DNAH6: variants seen among roughly 807,000 people sequenced by gnomAD.
DNAH6 encodes the protein axonemal beta dynein heavy chain 6.
A neutral mutation model predicts 491.4 loss-of-function variants in DNAH6; 340 were observed. The observed-to-expected ratio is 0.69, with a 90% CI of 0.63 to 0.76. DNAH6 has a LOEUF of 0.76. Among genes scored for constraint, DNAH6 ranks in the 30% least tolerant of loss-of-function variants. The pLI is 0.00. For synonymous variants in DNAH6, 1,603 were observed against 1,686.1 expected, an observed-to-expected ratio of 0.95 and a Z score of 1.21; for missense variants, 4,443 against 4,972.2, an observed-to-expected ratio of 0.89 and a Z score of 3.20.
intron 72 of DNAH6, among the ~76,000 whole-genome samples, chr2:84,808,889 A>G (rs1458985410): frequency 6.6e-6 from 1 of 152,228 alleles, no homozygotes; most frequent in Non-Finnish European, 1.5e-5. Context: ...TTCATAACAT[A>G]GTCTTTAAGC....
Position 84,785,594 on chromosome 2 carries a change from TTCTA to T in DNAH6, c.10954-11_10954-8del. On this transcript the variant is annotated splice_polypyrimidine_tract_variant and intron_variant, in intron 66 of 76. Transcript: ENST00000389394. ...AAAATCACTCTCTCTGCCACATATA[TTCTA>T]TCTAAATCCAGGTGACCAATGAGCC... 1 of 1,515,354 alleles carries T rather than the reference TTCTA, an allele frequency of 6.6e-7. No individual in the cohort carries two copies. Among genetic ancestry groups the T allele is most frequent in the Non-Finnish European group, 8.8e-7 (1 of 1,134,374 alleles). 93.9% of individuals were successfully genotyped at this position (1,515,354 alleles called of 1,614,324 possible). A position where few individuals can be genotyped will look rare whatever the true frequency, so the allele number is the denominator to read the frequency against.
At chr2:84,773,607 G>T (rs1269317896) in intron 64 of DNAH6, among the ~76,000 whole-genome samples, 1 of 151,978 alleles carries the variant, frequency 6.6e-6, no homozygotes, top group African/African-American at 2.4e-5. Flanking sequence ...TGGATTGAAC[G>T]GTAATTCCAT....
At chr2:84,487,496 T>C in the DNAH6 span, among the ~76,000 whole-genome samples, 13 of 152,340 alleles carry the variant, frequency 8.5e-5, no homozygotes, top group Admixed American at 2.6e-4. Flanking sequence ...GTCTGGCTCC[T>C]GTTGTATCCC....
intron 62 of DNAH6, among the ~76,000 whole-genome samples, chr2:84,742,370 T>C (rs1672608717): frequency 6.6e-6 from 1 of 152,214 alleles, no homozygotes; most frequent in Non-Finnish European, 1.5e-5. Context: ...AATTTGATTA[T>C]ATTTATTATG....
intron 70 of DNAH6, among the ~76,000 whole-genome samples, chr2:84,799,496 C>T (rs938099079): frequency 3.9e-5 from 6 of 152,222 alleles, no homozygotes; most frequent in Non-Finnish European, 7.3e-5. Flanking sequence ...CACAACCATC[C>T]GCTGGGCTGA....
intron 23 of DNAH6, among the ~76,000 whole-genome samples, chr2:84,619,381 G>C (rs1219815919): frequency 6.6e-6 from 1 of 152,184 alleles, no homozygotes; most frequent in Non-Finnish European, 1.5e-5. Flanking sequence ...TTAAAGCCAG[G>C]TAAGACAGAT....
chr2:84,725,089 A>C (rs2104944842), intron 60 of DNAH6, among the ~76,000 whole-genome samples: 1 of 152,312 alleles, frequency 6.6e-6, no homozygotes, highest in Non-Finnish European at 1.5e-5. Flanking sequence ...ATGAAGCCTC[A>C]CCAATCCCAT....
rs1382565768 is a variant in DNAH6 at position 84,593,952 on chromosome 2, T to C, written c.2611-20T>C. The C allele has an allele frequency of 3.5e-6, 5 of 1,417,036 alleles. No homozygotes were observed. The African/African-American group carries it at 5.7e-5, about 16-fold the overall frequency. The allele number at this position is 1,417,036 out of a possible 1,614,324, so 87.8% of individuals were successfully genotyped here. ...TATCTGAAAACTAAATTACGCATTT[T>C]GTTTACTACATTTTTAAAGGTAGAA... On this transcript the variant is annotated intron_variant, in intron 16 of 76. Coordinates refer to ENST00000389394, the MANE Select transcript of DNAH6 (RefSeq NM_001370.2).
intron 75 of DNAH6, among the ~76,000 whole-genome samples, chr2:84,815,287 G>A (rs75700484): frequency 0.011 from 1,668 of 152,144 alleles, 36 homozygotes; most frequent in African/African-American, 0.038. Flanking sequence ...GCCTGCAGAC[G>A]TGAGGCTCCA....
chr2:84,785,549 C>G (rs1180106881), intron 66 of DNAH6, 61 bp from the exon 67 acceptor site: 2 of 1,421,638 alleles, frequency 1.4e-6, no homozygotes, highest in African/African-American at 2.9e-5. Context: ...GTGTGTTATT[C>G]AGAAATAATG....
intron 4 of DNAH6, among the ~76,000 whole-genome samples, chr2:84,531,999 T>G (rs1349751697): frequency 6.6e-6 from 1 of 152,136 alleles, no homozygotes; most frequent in Non-Finnish European, 1.5e-5. Context: ...GTGAAAATGT[T>G]TTCATAGTTT....
At chr2:84,558,474 A>T (rs1039716251) in intron 11 of DNAH6, among the ~76,000 whole-genome samples, 2 of 151,876 alleles carry the variant, frequency 1.3e-5, no homozygotes, top group Admixed American at 6.6e-5. Context: ...GTTACTTATC[A>T]TTAGCAATCC....
At position 84,709,505 on chromosome 2, in the gene DNAH6, C is replaced by G; in HGVS notation, c.9211C>G (p.Gln3071Glu). ...ISTENGILVT[Q>E]GRRWPLMIDP... ...AACAGAAAATGGCATTTTGGTTACT[C>G]AAGGCAGAAGATGGCCTTTGATGAT... Residue 3071 changes from glutamine (Q) to glutamate (E), a missense_variant, in exon 55 of 77, where the codon CAA becomes GAA. Around this residue, in one of 3 missense-constraint regions of DNAH6, gnomAD observed 1,463 missense variants for 1,656.6 expected, o/e 0.88. Transcript: ENST00000389394. 6.4e-7 allele frequency: 1 copy of G among 1,551,664 alleles called. No homozygotes were observed. The highest frequency in any genetic ancestry group is 1.2e-5 in the South Asian group (1 of 84,036).
At chr2:84,559,272 A>G (rs1558714041) in intron 11 of DNAH6, among the ~76,000 whole-genome samples, 1 of 152,218 alleles carries the variant, frequency 6.6e-6, no homozygotes, top group African/African-American at 2.4e-5. Context: ...AGTGCAAGCT[A>G]CTCAAGATGC....
At chr2:84,618,595 G>C (rs987371212) in intron 23 of DNAH6, among the ~76,000 whole-genome samples, 2 of 149,848 alleles carry the variant, frequency 1.3e-5, no homozygotes, top group Admixed American at 1.3e-4. Context: ...GCAGTAAAAA[G>C]GACCCGTGAT....
intron 72 of DNAH6, among the ~76,000 whole-genome samples, chr2:84,811,484 G>C (rs914662349): frequency 1.3e-5 from 2 of 152,128 alleles, no homozygotes; most frequent in African/African-American, 2.4e-5. Flanking sequence ...GAGAAGGAGA[G>C]GCTTGGAGAC....
At chr2:84,543,415 A>G (rs1678455353) in intron 4 of DNAH6, among the ~76,000 whole-genome samples, 1 of 152,156 alleles carries the variant, frequency 6.6e-6, no homozygotes, top group Admixed American at 6.6e-5. Context: ...TTTTAGAAAA[A>G]TGTTATTTTC....
chr2:84,802,862 C>T (rs530372363), intron 70 of DNAH6, among the ~76,000 whole-genome samples: 17 of 152,302 alleles, frequency 1.1e-4, no homozygotes, highest in African/African-American at 4.1e-4. Flanking sequence ...CAAGCATCTT[C>T]TCAGAACACA....
chr2:84,518,681 C>T (rs1239496535), intron 2 of DNAH6, among the ~76,000 whole-genome samples: 3 of 152,166 alleles, frequency 2.0e-5, no homozygotes, highest in Non-Finnish European at 4.4e-5. Context: ...GCCATCTACT[C>T]ATGTATATTA....
Sources: allele counts gnomAD v4.1 joint callset (sites outside exome capture counted in the v4.1 genomes callset), GRCh38; gene constraint gnomAD v4.1.1; regional missense constraint gnomAD v4.1.1; transcripts MANE v1.5; gene names NCBI Gene and HGNC (gene_info 2026-07-23, HGNC 2026-07-21).